The following SIPA1L1 variants were observed in gnomAD, a reference collection of about 807,000 sequenced individuals.
SIPA1L1 encodes the protein signal-induced proliferation-associated 1-like protein 1.
A neutral mutation model predicts 162.7 loss-of-function variants in SIPA1L1; 26 were observed. That is an observed-to-expected ratio of 0.16 (90% CI 0.12 to 0.22). SIPA1L1 has a LOEUF of 0.22. Ranked by LOEUF, SIPA1L1 falls within the 10% of genes least tolerant of loss-of-function variation. The pLI, the probability that SIPA1L1 is intolerant of heterozygous loss-of-function variation, is 1.00. For synonymous variants in SIPA1L1, 829 were observed against 837.4 expected (o/e 0.99, Z 0.17); for missense variants, 1,874 against 2,241.0 (o/e 0.84, Z 3.31).
intron 2 of SIPA1L1, among the ~76,000 whole-genome samples, chr14:71,413,076 G>A (rs1447097416): frequency 6.6e-6 from 1 of 152,110 alleles, no homozygotes; most frequent in Admixed American, 6.6e-5. Context: ...TTTGTTGGAG[G>A]GGACTGTCCT....
intron 2 of SIPA1L1, among the ~76,000 whole-genome samples, chr14:71,480,531 T>C (rs796446464): frequency 5.3e-5 from 8 of 149,840 alleles, no homozygotes; most frequent in African/African-American, 1.7e-4. Flanking sequence ...GGAGGCCTAG[T>C]TGGGTGGAAC....
At chr14:71,392,575 T>C (rs1186003231) in intron 2 of SIPA1L1, among the ~76,000 whole-genome samples, 1 of 152,240 alleles carries the variant, frequency 6.6e-6, no homozygotes, top group Non-Finnish European at 1.5e-5. Context: ...TCGCCCAGGC[T>C]GGAGTGCAGT....
In SIPA1L1 at chr14:71,645,101, C is replaced by G. The variant is rs533920479; in HGVS notation, c.1819-5234C>G. 5.9e-5 allele frequency among the ~76,000 whole-genome samples: 9 copies of G among 152,328 alleles called. No individual in the cohort carries two copies. In the East Asian group the frequency reaches 1.7e-3, roughly 29 times the overall value. On this transcript the variant is annotated intron_variant, in intron 7 of 23. Transcript: ENST00000381232. ...TTTCAACTTCTGGTGGCTGCCCGTG[C>G]ACCTTGGCTCATGGCCCTTCCTCCA...
intron 2 of SIPA1L1, among the ~76,000 whole-genome samples, chr14:71,387,461 A>T (rs1429322617): frequency 1.3e-5 from 2 of 152,086 alleles, no homozygotes; most frequent in Admixed American, 1.3e-4. Context: ...CAAAAGAAAA[A>T]AATAGTTAGC....
chr14:71,583,540 T>C (rs540807347), intron 4 of SIPA1L1, among the ~76,000 whole-genome samples: 1 of 152,230 alleles, frequency 6.6e-6, no homozygotes, highest in South Asian at 2.1e-4. Flanking sequence ...GGAACTGTAG[T>C]GTTCCCCCAA....
chr14:71,515,780 C>G (rs764849912), intron 3 of SIPA1L1, among the ~76,000 whole-genome samples: 1 of 151,980 alleles, frequency 6.6e-6, no homozygotes, highest in Non-Finnish European at 1.5e-5. Flanking sequence ...TGCTACTACA[C>G]GCACATGCCA....
intron 2 of SIPA1L1, among the ~76,000 whole-genome samples, chr14:71,419,448 C>T (rs1193640258): frequency 6.8e-6 from 1 of 146,614 alleles, no homozygotes; most frequent in East Asian, 2.0e-4. Context: ...CACCTGTAAT[C>T]CTGTAATTTG....
At chr14:71,628,266 A>T (rs1346359239) in intron 7 of SIPA1L1, among the ~76,000 whole-genome samples, 1 of 152,260 alleles carries the variant, frequency 6.6e-6, no homozygotes, top group East Asian at 1.9e-4. Flanking sequence ...TCATTTAAAA[A>T]TACCTATATT....
intron 7 of SIPA1L1, among the ~76,000 whole-genome samples, chr14:71,642,720 G>T (rs2041834678): frequency 1.3e-5 from 2 of 152,052 alleles, no homozygotes; most frequent in Admixed American, 1.3e-4. Context: ...CCTATAGTTG[G>T]GGAGGGGATA....
At chr14:71,572,231 C>T (rs1485594394) in intron 4 of SIPA1L1, among the ~76,000 whole-genome samples, 2 of 152,208 alleles carry the variant, frequency 1.3e-5, no homozygotes, top group African/African-American at 4.8e-5. Flanking sequence ...TCACTCACCT[C>T]TTAAAGGCCT....
In SIPA1L1 at chr14:71,699,202, A is replaced by G. The variant is rs567190253; in HGVS notation, c.3521+75A>G. 6 of 1,374,284 alleles carry G rather than the reference A, an allele frequency of 4.4e-6. No homozygotes were observed. The Admixed American group carries it at 7.2e-5, about 16-fold the overall frequency. The allele number at this position is 1,374,284 out of a possible 1,614,324, so 85.1% of individuals were successfully genotyped here. On this transcript the variant is annotated intron_variant, in intron 14 of 23. Coordinates refer to ENST00000381232, the MANE Select transcript of SIPA1L1 (RefSeq NM_001386936.1). The stretch of plus-strand genomic sequence containing the variant: ...TTTCATCTGTACTCAGACATGTAAA[A>G]TGACTTCCATTCAGCCAGCCTTGAT...
intron 7 of SIPA1L1, among the ~76,000 whole-genome samples, chr14:71,641,957 G>A (rs2041756853): frequency 6.6e-6 from 1 of 152,190 alleles, no homozygotes. Context: ...TTTTGATTGT[G>A]TTGGGGGTTT....
At chr14:71,615,354 A>C (rs2038711781) in intron 5 of SIPA1L1, among the ~76,000 whole-genome samples, 1 of 152,242 alleles carries the variant, frequency 6.6e-6, no homozygotes, top group Admixed American at 6.5e-5. Flanking sequence ...AGGGTACAAG[A>C]ACCTAAGTGT....
intron 2 of SIPA1L1, among the ~76,000 whole-genome samples, chr14:71,340,496 A>T (rs2035535547): frequency 6.6e-6 from 1 of 152,174 alleles, no homozygotes; most frequent in Non-Finnish European, 1.5e-5. Flanking sequence ...ATCAACATTT[A>T]ACAGATGTAA....
intron 2 of SIPA1L1, among the ~76,000 whole-genome samples, chr14:71,480,653 T>C (rs1377579066): frequency 1.3e-5 from 2 of 151,756 alleles, no homozygotes; most frequent in Non-Finnish European, 2.9e-5. Context: ...TCCCAGCTAC[T>C]CGGGATGCTG....
intron 2 of SIPA1L1, among the ~76,000 whole-genome samples, chr14:71,459,683 C>A (rs2046445698): frequency 6.6e-6 from 1 of 152,120 alleles, no homozygotes; most frequent in South Asian, 2.1e-4. Flanking sequence ...TTTCTGCCTG[C>A]TTATATTCAC....
chr14:71,392,434 T>C (rs1032456688), intron 2 of SIPA1L1, among the ~76,000 whole-genome samples: 5 of 152,242 alleles, frequency 3.3e-5, no homozygotes, highest in African/African-American at 1.2e-4. Context: ...TACATTCTTA[T>C]TTTCCTCTCA....
chr14:71,467,260 C>G (rs1029711268), intron 2 of SIPA1L1: 2 of 152,130 alleles, frequency 1.3e-5, no homozygotes, highest in African/African-American at 4.8e-5. Context: ...AAAGAACTCT[C>G]TTGTCTTTGT....
At chr14:71,605,371 A>C (rs541028003) in intron 5 of SIPA1L1, among the ~76,000 whole-genome samples, 16 of 152,072 alleles carry the variant, frequency 1.1e-4, no homozygotes, top group African/African-American at 3.6e-4. Context: ...AGGATTTTGT[A>C]TATTTCTTTT....
Sources: allele counts gnomAD v4.1 joint callset (sites outside exome capture counted in the v4.1 genomes callset), GRCh38; gene constraint gnomAD v4.1.1; transcripts MANE v1.5; gene names NCBI Gene and HGNC (gene_info 2026-07-23, HGNC 2026-07-21).